TENM2: variants seen among roughly 807,000 people sequenced by gnomAD.
The protein encoded by TENM2 is teneurin-2.
A neutral mutation model predicts 245.2 loss-of-function variants in TENM2; 52 were observed. The ratio of observed to expected loss-of-function variants is 0.21; its 90% CI spans 0.17 to 0.27. The LOEUF (loss-of-function observed/expected upper bound fraction) is 0.27. Ranked by LOEUF, TENM2 falls within the 10% of genes least tolerant of loss-of-function variation. The pLI is 1.00. For missense variants in TENM2, 3,046 were observed against 3,666.8 expected, an observed-to-expected ratio of 0.83 and a Z score of 4.37; for synonymous variants, 1,363 against 1,438.9, an observed-to-expected ratio of 0.95 and a Z score of 1.19.
At chr5:167,479,610 A>G (rs930982024) in intron 2 of TENM2, among the ~76,000 whole-genome samples, 3 of 152,190 alleles carry the variant, frequency 2.0e-5, no homozygotes, top group Non-Finnish European at 4.4e-5. Context: ...ATAATACTCC[A>G]AAGGAAAAAT....
chr5:167,740,415 T>G (rs999109482), intron 2 of TENM2, among the ~76,000 whole-genome samples: 1 of 152,180 alleles, frequency 6.6e-6, no homozygotes, highest in African/African-American at 2.4e-5. Flanking sequence ...ATGCTTCTCT[T>G]GTGTGTTTTT....
intron 2 of TENM2, among the ~76,000 whole-genome samples, chr5:167,612,905 AG>A (rs555818233): frequency 4.5e-4 from 69 of 152,296 alleles, no homozygotes; most frequent in Non-Finnish European, 7.1e-4. Context: ...GAGAGTTTCC[AG>A]TAACAAAAAT....
intron 2 of TENM2, among the ~76,000 whole-genome samples, chr5:167,791,940 C>T (rs1021455569): frequency 2.6e-5 from 4 of 152,152 alleles, no homozygotes; most frequent in African/African-American, 9.7e-5. Context: ...CATACTCCAT[C>T]CACTCTCTCA....
intron 5 of TENM2, among the ~76,000 whole-genome samples, chr5:168,011,714 G>A (rs1785234806): frequency 6.6e-6 from 1 of 152,092 alleles, no homozygotes; most frequent in Admixed American, 6.5e-5. Context: ...TTTATTGACT[G>A]AACTGGTCAG....
intron 1 of TENM2, among the ~76,000 whole-genome samples, chr5:167,302,279 G>A (rs1755378124): frequency 6.6e-6 from 1 of 152,050 alleles, no homozygotes; most frequent in African/African-American, 2.4e-5. Flanking sequence ...AGAAAATAAG[G>A]CATTTAGGTT....
intron 1 of TENM2, chr5:167,308,170 C>G (rs1755792670): frequency 6.6e-6 from 1 of 152,270 alleles, no homozygotes; most frequent in African/African-American, 2.4e-5. Context: ...ACTAATCTTT[C>G]AGCAACTCAG....
the TENM2 span, among the ~76,000 whole-genome samples, chr5:167,227,530 A>G: frequency 1.6e-4 from 25 of 152,080 alleles, no homozygotes; most frequent in Admixed American, 9.8e-4. Flanking sequence ...CTTTTGCTGG[A>G]TATAGTATCC....
At chr5:167,998,374 T>G (rs1458910577) in intron 5 of TENM2, among the ~76,000 whole-genome samples, 2 of 152,162 alleles carry the variant, frequency 1.3e-5, no homozygotes, top group Non-Finnish European at 2.9e-5. Flanking sequence ...AGATCTAGTT[T>G]CCTTAAAAGG....
intron 2 of TENM2, among the ~76,000 whole-genome samples, chr5:167,633,189 C>G (rs1012370944): frequency 1.6e-4 from 24 of 152,142 alleles, no homozygotes; most frequent in Admixed American, 1.3e-3. Flanking sequence ...GTAGTAAATA[C>G]AGCCACAGCG....
intron 12 of TENM2, among the ~76,000 whole-genome samples, chr5:168,158,850 T>TATATATATATATATATATAC (rs1339051385): frequency 1.6e-4 from 10 of 62,316 alleles, no homozygotes; most frequent in Admixed American, 7.0e-4. Flanking sequence ...TATATATATA[T>TATATATATATATATATATAC]ACACACACAC....
At chr5:167,380,291 C>A (rs1761020921) in intron 2 of TENM2, among the ~76,000 whole-genome samples, 1 of 152,048 alleles carries the variant, frequency 6.6e-6, no homozygotes, top group Non-Finnish European at 1.5e-5. Context: ...AACATACAAC[C>A]AGAGGCAAAA....
intron 4 of TENM2, among the ~76,000 whole-genome samples, chr5:167,972,746 G>A (rs756716335): frequency 1.3e-5 from 2 of 152,086 alleles, no homozygotes; most frequent in Non-Finnish European, 2.9e-5. Flanking sequence ...GAGCCCAGAA[G>A]TTTATGGTGT....
chr5:167,623,434 T>G lies in TENM2; in HGVS notation c.502+247961T>G, dbSNP rs562475417. On this transcript the variant is annotated intron_variant, in intron 2 of 28. Transcript: ENST00000518659. Reference sequence around the variant, plus strand: ...CCCCACTCCCAGTCGATTTATCCAGTGCAATTTCACTTTCTTTTTTAAGCT... The same window carrying G: ...CCCCACTCCCAGTCGATTTATCCAGGGCAATTTCACTTTCTTTTTTAAGCT... Among the ~76,000 whole-genome samples the G allele has an allele frequency of 9.0e-4, 137 of 152,310 alleles. No individual in the cohort carries two copies. The Middle Eastern group carries it at 0.01, about 11-fold the overall frequency.
chr5:167,348,625 G>A (rs1409669077), intron 1 of TENM2, among the ~76,000 whole-genome samples: 1 of 152,128 alleles, frequency 6.6e-6, no homozygotes, highest in African/African-American at 2.4e-5. Flanking sequence ...AAAGTATTCC[G>A]GTAGAGATTT....
chr5:167,865,978 G>A (rs1772286761), intron 2 of TENM2, among the ~76,000 whole-genome samples: 1 of 152,196 alleles, frequency 6.6e-6, no homozygotes, highest in South Asian at 2.1e-4. Context: ...TACAGGCTCT[G>A]TACTGGGTGC....
chr5:167,863,568 T>C (rs1159668164), intron 2 of TENM2, among the ~76,000 whole-genome samples: 1 of 152,060 alleles, frequency 6.6e-6, no homozygotes, highest in African/African-American at 2.4e-5. Flanking sequence ...TGCTTGAACC[T>C]GGGAGGTGGA....
At chr5:167,778,323 G>T (rs1446118902) in intron 2 of TENM2, among the ~76,000 whole-genome samples, 1 of 152,162 alleles carries the variant, frequency 6.6e-6, no homozygotes, top group African/African-American at 2.4e-5. Flanking sequence ...GCCAAGTAGG[G>T]TAGGAACTAA....
the TENM2 span, among the ~76,000 whole-genome samples, chr5:166,996,404 A>C: frequency 2.0e-5 from 3 of 152,206 alleles, no homozygotes; most frequent in African/African-American, 7.2e-5. Context: ...AATTACATGA[A>C]ATTAAAATGC....
At chr5:167,006,870 T>C in the TENM2 span, among the ~76,000 whole-genome samples, 3 of 152,160 alleles carry the variant, frequency 2.0e-5, no homozygotes, top group African/African-American at 7.2e-5. Flanking sequence ...TTTCTTCATG[T>C]TGCTCAGGCT....
Sources: gnomAD v4.1 joint callset for allele counts (sites outside exome capture counted in the v4.1 genomes callset) on GRCh38, gnomAD v4.1.1 for gene constraint, MANE v1.5 for transcripts, NCBI Gene and HGNC (gene_info 2026-07-23, HGNC 2026-07-21) for gene names.